Variants in SUMF1 observed in about 807,000 individuals in gnomAD.
SUMF1 encodes formylglycine-generating enzyme.
SUMF1 carries 48 observed loss-of-function variants against 47.6 expected under a neutral mutation model. The observed-to-expected ratio is 1.01, with a 90% CI of 0.80 to 1.28. The LOEUF is 1.28. Among genes scored for constraint, SUMF1 ranks in the 50% most tolerant of loss-of-function variants. The pLI is 0.00. For synonymous variants in SUMF1, 230 were observed against 192.1 expected (o/e 1.20, Z -1.63); for missense variants, 571 against 485.4 (o/e 1.18, Z -1.66).
At chr3:4,325,365 G>T (rs1020260974) in intron 8 of SUMF1, among the ~76,000 whole-genome samples, 1 of 151,796 alleles carries the variant, frequency 6.6e-6, no homozygotes, top group Non-Finnish European at 1.5e-5. Flanking sequence ...GAAAGATAGG[G>T]GGAGAAAGGA....
chr3:4,371,552 C>T (rs1700168269), intron 8 of SUMF1, among the ~76,000 whole-genome samples: 1 of 152,164 alleles, frequency 6.6e-6, no homozygotes, highest in South Asian at 2.1e-4. Context: ...ATTTCCCGTC[C>T]GTTGCTCTTG....
intron 1 of SUMF1, among the ~76,000 whole-genome samples, chr3:4,463,702 G>A (rs1299426330): frequency 6.6e-6 from 1 of 152,164 alleles, no homozygotes; most frequent in Non-Finnish European, 1.5e-5. Context: ...TCCTCAGACA[G>A]GAAATCAAGA....
At chr3:4,124,637 A>G (rs1693615129) in intron 8 of SUMF1, among the ~76,000 whole-genome samples, 1 of 152,066 alleles carries the variant, frequency 6.6e-6, no homozygotes, top group African/African-American at 2.4e-5. Context: ...CAGGGCCCTA[A>G]AAATAGTCTT....
chr3:4,107,911 A>AGC (rs1693194893), intron 8 of SUMF1, among the ~76,000 whole-genome samples: 1 of 152,046 alleles, frequency 6.6e-6, no homozygotes, highest in African/African-American at 2.4e-5. Context: ...TAAATACATG[A>AGC]GCTGTTTGGT....
chr3:4,069,890 C>A (rs569487372), intron 8 of SUMF1, among the ~76,000 whole-genome samples: 31 of 152,264 alleles, frequency 2.0e-4, no homozygotes, highest in African/African-American at 7.0e-4. Flanking sequence ...TAGAGAATCC[C>A]CTTTCCCCTT....
At chr3:4,111,397 C>T (rs1574893192) in intron 8 of SUMF1, among the ~76,000 whole-genome samples, 1 of 151,998 alleles carries the variant, frequency 6.6e-6, no homozygotes, top group Middle Eastern at 3.4e-3. Flanking sequence ...TACATCATTC[C>T]TTGTGAGGGT....
At chr3:4,238,312 A>T (rs1304601386) in intron 8 of SUMF1, among the ~76,000 whole-genome samples, 8 of 152,156 alleles carry the variant, frequency 5.3e-5, no homozygotes, top group Non-Finnish European at 4.4e-5. Flanking sequence ...TTGCTGGGTC[A>T]AATGTTATTT....
At chr3:4,074,953 CA>C (rs2125040047) in intron 8 of SUMF1, among the ~76,000 whole-genome samples, 1 of 152,164 alleles carries the variant, frequency 6.6e-6, no homozygotes, top group South Asian at 2.1e-4. Context: ...GAAACTATTC[CA>C]ATGAATAGAA....
intron 8 of SUMF1, chr3:4,316,342 G>C (rs762133965): frequency 6.9e-7 from 1 of 1,446,962 alleles, no homozygotes; most frequent in Non-Finnish European, 9.4e-7. Flanking sequence ...GCTAACGAAC[G>C]TACAGTGCAG....
intron 8 of SUMF1, among the ~76,000 whole-genome samples, chr3:4,306,796 A>T (rs1371338059): frequency 6.6e-6 from 1 of 152,264 alleles, no homozygotes; most frequent in Non-Finnish European, 1.5e-5. Flanking sequence ...AGATAAAAAT[A>T]ACTTTGTGTC....
At chr3:4,181,413 T>C (rs555638895) in intron 8 of SUMF1, among the ~76,000 whole-genome samples, 1 of 152,218 alleles carries the variant, frequency 6.6e-6, no homozygotes, top group South Asian at 2.1e-4. Context: ...ATTCTGAAGC[T>C]GAAGAAGCAA....
chr3:4,260,446 T>C (rs940112943), intron 8 of SUMF1, among the ~76,000 whole-genome samples: 4 of 152,196 alleles, frequency 2.6e-5, no homozygotes, highest in African/African-American at 9.6e-5. Flanking sequence ...TAAACAGAAA[T>C]GTTTAAAATA....
chr3:4,267,498 C>A lies in SUMF1; in HGVS notation c.1014+108832G>T, dbSNP rs1444301542. On this transcript the variant is annotated intron_variant and NMD_transcript_variant, in intron 8 of 12. Transcript: ENST00000448413. ...AATTTATCCATTTCTTCTAGATTTT[C>A]TAGTTTATTTGCATAGAGGTGTTTG... Among the ~76,000 whole-genome samples the A allele has an allele frequency of 2.6e-5, 4 of 152,120 alleles. No homozygotes were observed. In the East Asian group the frequency reaches 7.7e-4, roughly 29 times the overall value.
chr3:4,141,874 C>T (rs527296844), intron 8 of SUMF1, among the ~76,000 whole-genome samples: 2 of 152,192 alleles, frequency 1.3e-5, no homozygotes, highest in African/African-American at 2.4e-5. Context: ...GGACCTTTTC[C>T]ACTCATCCAA....
At chr3:4,391,377 T>C (rs1287236532) in intron 7 of SUMF1, among the ~76,000 whole-genome samples, 1 of 152,206 alleles carries the variant, frequency 6.6e-6, no homozygotes, top group Non-Finnish European at 1.5e-5. Flanking sequence ...TTTGCTCCTC[T>C]CCATTTGAGA....
chr3:4,200,361 G>A (rs1695515766), intron 8 of SUMF1, among the ~76,000 whole-genome samples: 1 of 151,866 alleles, frequency 6.6e-6, no homozygotes, highest in African/African-American at 2.4e-5. Flanking sequence ...TTCAATGTGG[G>A]CAGGGCACTC....
chr3:4,232,241 C>T (rs1696316401), intron 8 of SUMF1, among the ~76,000 whole-genome samples: 1 of 152,052 alleles, frequency 6.6e-6, no homozygotes, highest in South Asian at 2.1e-4. Context: ...CATGCAGCAA[C>T]CAAGGAACTC....
chr3:4,080,278 C>T (rs1281730097), intron 8 of SUMF1, among the ~76,000 whole-genome samples: 4 of 152,008 alleles, frequency 2.6e-5, no homozygotes, highest in African/African-American at 9.7e-5. Flanking sequence ...AAAGATTATA[C>T]CATTAATTTT....
chr3:4,305,002 TTAATTTTTCTGGTTAA>T (rs938145372), intron 8 of SUMF1, among the ~76,000 whole-genome samples: 1 of 152,150 alleles, frequency 6.6e-6, no homozygotes, highest in African/African-American at 2.4e-5. Context: ...TAGGTAGATT[TTAATTTTTCTGGTTAA>T]CAATTTTTCT....
Sources: gnomAD v4.1 joint callset for allele counts (sites outside exome capture counted in the v4.1 genomes callset) on GRCh38, gnomAD v4.1.1 for gene constraint, MANE v1.5 for transcripts, NCBI Gene and HGNC (gene_info 2026-07-23, HGNC 2026-07-21) for gene names.